GABRR1: variants seen among roughly 807,000 people sequenced by gnomAD.
The protein encoded by GABRR1 is gamma-aminobutyric acid type A receptor subunit rho1.
A neutral mutation model predicts 55.5 loss-of-function variants in GABRR1; 59 were observed. That is an observed-to-expected ratio of 1.06 (90% confidence interval 0.86 to 1.32). The LOEUF is 1.32. Among genes scored for constraint, GABRR1 ranks in the 40% most tolerant of loss-of-function variants. GABRR1 has a pLI of 0.00. For missense variants in GABRR1, 602 were observed against 619.1 expected, an observed-to-expected ratio of 0.97 and a Z score of 0.29; for synonymous variants, 213 against 226.0, an observed-to-expected ratio of 0.94 and a Z score of 0.51.
At chr6:89,229,496 G>C (rs1404005487) in intron 1 of GABRR1, among the ~76,000 whole-genome samples, 1 of 149,472 alleles carries the variant, frequency 6.7e-6, no homozygotes, top group Middle Eastern at 3.4e-3. Context: ...TGTCTGTAAA[G>C]TATTTTATTT....
rs930996959 is a variant in GABRR1 at position 89,216,572 on chromosome 6, G to A, written c.122+629C>T. On this transcript the variant is annotated intron_variant, in intron 1 of 9. Coordinates refer to ENST00000454853, the MANE Select transcript of GABRR1 (RefSeq NM_002042.5). ...GGCCGAGTGCTAAGGGGCTGGTGGG[G>A]AACCTGGTTTCCTGTGTAAGCTCCC... Among the ~76,000 whole-genome samples, 8 of 152,254 alleles carry A rather than the reference G, an allele frequency of 5.3e-5. No homozygotes were observed. The South Asian group carries it at 1.2e-3, about 24-fold the overall frequency.
intron 1 of GABRR1, among the ~76,000 whole-genome samples, chr6:89,224,754 T>C (rs1263706684): frequency 6.6e-6 from 1 of 151,662 alleles, no homozygotes; most frequent in African/African-American, 2.4e-5. Context: ...AGCCAATATG[T>C]AGAAGAGTTT....
chr6:89,223,247 T>A (rs1328454154), intron 1 of GABRR1, among the ~76,000 whole-genome samples: 1 of 152,244 alleles, frequency 6.6e-6, no homozygotes. Context: ...GAAATTCTTA[T>A]GCCTTTGCAT....
intron 6 of GABRR1, among the ~76,000 whole-genome samples, chr6:89,188,675 T>A (rs887409441): frequency 9.2e-5 from 14 of 152,208 alleles, no homozygotes; most frequent in African/African-American, 3.4e-4. Flanking sequence ...ATCAGATAGA[T>A]GATTTATCAA....
At chr6:89,210,144 G>A (rs981603945) in intron 1 of GABRR1, among the ~76,000 whole-genome samples, 1 of 150,766 alleles carries the variant, frequency 6.6e-6, no homozygotes, top group African/African-American at 2.4e-5. Flanking sequence ...AAAGTGAGGG[G>A]GTTTCTAAGG....
intron 6 of GABRR1, among the ~76,000 whole-genome samples, chr6:89,186,564 G>A (rs914281812): frequency 6.6e-6 from 1 of 152,220 alleles, no homozygotes; most frequent in South Asian, 2.1e-4. Context: ...TACTCTGTAT[G>A]TCCTACTGGT....
intron 1 of GABRR1, among the ~76,000 whole-genome samples, chr6:89,229,595 C>T (rs1773251522): frequency 7.4e-6 from 1 of 135,570 alleles, no homozygotes. Context: ...TTGGCCCCCA[C>T]TCTCTTCTGG....
In GABRR1 at chr6:89,181,957, G is replaced by T; in HGVS notation, c.897C>A (p.Ser299=). 6.2e-7 allele frequency: 1 copy of T among 1,614,150 alleles called. No homozygotes were observed. Among genetic ancestry groups the T allele is most frequent in the South Asian group, 1.1e-5 (1 of 91,074 alleles). The part of the protein sequence containing the change: ...YFPATLMVML[S]WVSFWIDRRA... ...TGCGGTCGATCCAGAAGGACACCCAGGACAGCATGACCATCAGGGTAGCGG... is the reference window on the plus strand; with the variant it reads ...TGCGGTCGATCCAGAAGGACACCCATGACAGCATGACCATCAGGGTAGCGG... The change falls in exon 8 of 10, where the codon TCC becomes TCA. Residue 299 remains serine (S), a synonymous_variant. Coordinates refer to ENST00000454853, the MANE Select transcript of GABRR1 (RefSeq NM_002042.5).
intron 7 of GABRR1, among the ~76,000 whole-genome samples, chr6:89,183,915 T>C (rs1350131573): frequency 6.6e-6 from 1 of 152,050 alleles, no homozygotes; most frequent in Non-Finnish European, 1.5e-5. Context: ...TTGGGTACAA[T>C]GTACACCACT....
In GABRR1 at chr6:89,196,884, G is replaced by GA. The variant is rs1562296986; in HGVS notation, c.572+1135dup. On this transcript the variant is annotated intron_variant, in intron 5 of 9. Coordinates refer to ENST00000454853, the MANE Select transcript of GABRR1 (RefSeq NM_002042.5). ...GAAAGAAAGAAAGAAAGAAAGAGAA[G>GA]AGAAGAAAAAAGAAAAGAAAATAAA... Among the ~76,000 whole-genome samples, 90 of 108,648 alleles carry GA rather than the reference G, an allele frequency of 8.3e-4. 1 individual carries two copies. Among genetic ancestry groups the GA allele is most frequent in the African/African-American group, 2.7e-3 (88 of 32,194 alleles). The allele number at this position is 108,648 out of a possible 152,430, so 71.3% of individuals were successfully genotyped here.
chr6:89,218,112 G>A (rs532130975), upstream of GABRR1, among the ~76,000 whole-genome samples: 1 of 152,124 alleles, frequency 6.6e-6, no homozygotes, highest in Non-Finnish European at 1.5e-5. Context: ...CTACAGGCCG[G>A]ATCTTGTGTC....
At chr6:89,214,495 A>G (rs765311731) in intron 1 of GABRR1, among the ~76,000 whole-genome samples, 10 of 152,118 alleles carry the variant, frequency 6.6e-5, no homozygotes, top group Non-Finnish European at 1.2e-4. Flanking sequence ...TTTGTAAGGC[A>G]TACACATCTG....
At chr6:89,194,078 G>A (rs147196875) in intron 5 of GABRR1, among the ~76,000 whole-genome samples, 253 of 152,330 alleles carry the variant, frequency 1.7e-3, no homozygotes, top group African/African-American at 5.8e-3. Flanking sequence ...ATGATTGCCT[G>A]AAGGGAGAAA....
intron 2 of GABRR1, among the ~76,000 whole-genome samples, 170 bp downstream of exon 2, chr6:89,203,265 C>A (rs1335843067): frequency 6.6e-6 from 1 of 152,146 alleles, no homozygotes; most frequent in Non-Finnish European, 1.5e-5. Flanking sequence ...AGGAGCCACC[C>A]CGCCACCCCT....
chr6:89,221,542 T>A (rs1028513743), upstream of GABRR1: 56 of 152,340 alleles, frequency 3.7e-4, no homozygotes, highest in African/African-American at 1.2e-3. Context: ...TTAGAAGTAA[T>A]CTGAGATGAT....
chr6:89,223,153 A>G (rs763144868), intron 1 of GABRR1, among the ~76,000 whole-genome samples: 18 of 151,932 alleles, frequency 1.2e-4, no homozygotes, highest in Non-Finnish European at 2.1e-4. Context: ...CCATCACCCA[A>G]ACAATATATA....
chr6:89,200,619 A>G (rs1772437679), intron 3 of GABRR1, among the ~76,000 whole-genome samples: 1 of 152,042 alleles, frequency 6.6e-6, no homozygotes. Context: ...CATAAGGGTG[A>G]AAAATTATTG....
Position 89,181,567 on chromosome 6 carries a change from T to G in GABRR1, c.949+338A>C, listed in dbSNP as rs116214709. Among the ~76,000 whole-genome samples the G allele has an allele frequency of 5.9e-3, 903 of 152,264 alleles. 6 individuals are homozygous for G. The highest frequency in any genetic ancestry group is 0.021 in the African/African-American group (875 of 41,538). Reference sequence around the variant, plus strand: ...CAAAGATTCTATCACAAAGACCCCTTGAGCTACCATTTGAGAAACACTGTT... The same window carrying G: ...CAAAGATTCTATCACAAAGACCCCTGGAGCTACCATTTGAGAAACACTGTT... On this transcript the variant is annotated intron_variant, in intron 8 of 9. Coordinates refer to ENST00000454853, the MANE Select transcript of GABRR1 (RefSeq NM_002042.5).
chr6:89,178,745 G>A lies in GABRR1; in HGVS notation c.*25C>T, dbSNP rs1278968609. 1 of 1,577,364 alleles carries A rather than the reference G, an allele frequency of 6.3e-7. No homozygotes were observed. The highest frequency in any genetic ancestry group is 8.7e-7 in the Non-Finnish European group (1 of 1,147,432). ...TTTCTGTAGTGCATGCCATGGAAAT[G>A]TGAAATTTGTAGAATTACAAGCATC... On this transcript the variant is annotated 3_prime_UTR_variant, in exon 10 of 10. Transcript: ENST00000454853.
Sources: gnomAD v4.1 joint callset for allele counts (sites outside exome capture counted in the v4.1 genomes callset) on GRCh38, gnomAD v4.1.1 for gene constraint, MANE v1.5 for transcripts, NCBI Gene and HGNC (gene_info 2026-07-23, HGNC 2026-07-21) for gene names.